MTCL1: variants seen among roughly 807,000 people sequenced by gnomAD.
MTCL1 encodes microtubule cross-linking factor 1.
A neutral mutation model predicts 141.4 loss-of-function variants in MTCL1; 79 were observed. The ratio of observed to expected loss-of-function variants is 0.56; its 90% CI spans 0.47 to 0.67. The LOEUF is 0.67. Among genes scored for constraint, MTCL1 ranks in the 30% least tolerant of loss-of-function variants. The pLI is 0.00. For missense variants in MTCL1, 2,177 were observed against 2,113.9 expected (o/e 1.03, Z -0.59); for synonymous variants, 914 against 875.8 (o/e 1.04, Z -0.77).
At chr18:8,750,371 T>A (rs1273190450) in intron 4 of MTCL1, among the ~76,000 whole-genome samples, 1 of 152,228 alleles carries the variant, frequency 6.6e-6, no homozygotes, top group Admixed American at 6.5e-5. Context: ...TGTCTTTCCC[T>A]GGTGTGACTG....
At chr18:8,792,220 A>T (rs1275882497) in intron 7 of MTCL1, among the ~76,000 whole-genome samples, 1 of 152,258 alleles carries the variant, frequency 6.6e-6, no homozygotes, top group Non-Finnish European at 1.5e-5. Flanking sequence ...CATTTCGATG[A>T]TGCCTGAGAT....
At chr18:8,809,094 A>AG (rs940007242) in intron 11 of MTCL1, among the ~76,000 whole-genome samples, 6 of 152,126 alleles carry the variant, frequency 3.9e-5, no homozygotes, top group African/African-American at 7.2e-5. Flanking sequence ...CTTAGGTATG[A>AG]GGGGAAAGAA....
chr18:8,754,062 C>A (rs1231620381), intron 4 of MTCL1, among the ~76,000 whole-genome samples: 4 of 152,108 alleles, frequency 2.6e-5, no homozygotes, highest in African/African-American at 9.7e-5. Flanking sequence ...TTTCCCCCTA[C>A]TTCCTATTTA....
chr18:8,817,991 T>G (rs2076714031), intron 12 of MTCL1, among the ~76,000 whole-genome samples: 1 of 152,188 alleles, frequency 6.6e-6, no homozygotes, highest in African/African-American at 2.4e-5. Flanking sequence ...GCAAGCCATT[T>G]GCCTGCCTGC....
At chr18:8,799,537 C>T (rs1296178356) in intron 10 of MTCL1, among the ~76,000 whole-genome samples, 1 of 152,184 alleles carries the variant, frequency 6.6e-6, no homozygotes, top group African/African-American at 2.4e-5. Context: ...ATGAGTTTTC[C>T]AGCAATAATC....
chr18:8,741,875 G>A (rs763900773), intron 4 of MTCL1, among the ~76,000 whole-genome samples: 2 of 152,176 alleles, frequency 1.3e-5, no homozygotes, highest in African/African-American at 2.4e-5. Context: ...GTGTGGCTCC[G>A]CCGCAGGGTG....
intron 4 of MTCL1, among the ~76,000 whole-genome samples, chr18:8,756,302 AGT>A (rs138010375): frequency 5.3e-5 from 8 of 151,342 alleles, no homozygotes; most frequent in African/African-American, 9.8e-5. Flanking sequence ...ATGAAAAAGA[AGT>A]GTGTGTGTGT....
intron 4 of MTCL1, among the ~76,000 whole-genome samples, chr18:8,775,021 C>A (rs1328238705): frequency 1.3e-5 from 2 of 152,162 alleles, no homozygotes; most frequent in Non-Finnish European, 2.9e-5. Context: ...AGAATGTGCT[C>A]TAGCCACCAG....
intron 12 of MTCL1, among the ~76,000 whole-genome samples, chr18:8,816,298 C>A (rs1396619698): frequency 6.6e-6 from 1 of 152,174 alleles, no homozygotes; most frequent in African/African-American, 2.4e-5. Flanking sequence ...ACTGTGATAA[C>A]CTAATACAGA....
chr18:8,812,765 T>A lies in MTCL1; in HGVS notation c.2605-214T>A, dbSNP rs191844160. 798 of 547,520 alleles carry A rather than the reference T, an allele frequency of 1.5e-3. 6 individuals are homozygous for A. The highest frequency in any genetic ancestry group is 0.014 in the African/African-American group (731 of 52,956). 33.9% of individuals were successfully genotyped at this position (547,520 alleles called of 1,614,324 possible). ...GAAAGTGGAGCAGGGAAGCTGGCCA[T>A]GGGAAGCTCAGTTTACTCACCGCTT... On this transcript the variant is annotated intron_variant, in intron 11 of 16. Transcript: ENST00000359865.
chr18:8,775,111 T>C (rs73396457), intron 4 of MTCL1, among the ~76,000 whole-genome samples: 3,389 of 152,260 alleles, frequency 0.022, 133 homozygotes, highest in African/African-American at 0.075. Flanking sequence ...TAGTTTTCTT[T>C]CAGTGCGTAC....
chr18:8,754,954 T>G (rs2096389509), intron 4 of MTCL1, among the ~76,000 whole-genome samples: 1 of 152,176 alleles, frequency 6.6e-6, no homozygotes, highest in Non-Finnish European at 1.5e-5. Context: ...AGAGAGCCCC[T>G]GATGTGAGCA....
In MTCL1 at chr18:8,830,512, C is replaced by T. The variant is rs1201521821; in HGVS notation, c.*19-1095C>T. On this transcript the variant is annotated intron_variant, in intron 16 of 16. Coordinates refer to ENST00000359865, the Ensembl canonical transcript of MTCL1. This position sits in a 1 kb window ranked among gnomAD's most constrained non-coding sequence, Gnocchi z 6.4. ...AGTGACACTGCCCATTCCGTGCAGCCGTCTGTCCTTCCCCCGCTGCTGCTC... is the reference window on the plus strand; with the variant it reads ...AGTGACACTGCCCATTCCGTGCAGCTGTCTGTCCTTCCCCCGCTGCTGCTC... The T allele has an allele frequency of 4.1e-6, 4 of 986,004 alleles. No homozygotes were observed. Among genetic ancestry groups the T allele is most frequent in the Non-Finnish European group, 4.8e-6 (4 of 830,478 alleles). The allele number at this position is 986,004 out of a possible 1,614,324, so 61.1% of individuals were successfully genotyped here.
intron 13 of MTCL1, among the ~76,000 whole-genome samples, chr18:8,819,834 C>T (rs2076783805): frequency 6.6e-6 from 1 of 152,150 alleles, no homozygotes; most frequent in South Asian, 2.1e-4. Context: ...TGGTCTCGAA[C>T]TCCTGGGCTC....
At chr18:8,736,347 TTAA>T (rs1194281979) in intron 4 of MTCL1, among the ~76,000 whole-genome samples, 2 of 152,290 alleles carry the variant, frequency 1.3e-5, no homozygotes, top group East Asian at 3.9e-4. Context: ...TGAAACTATA[TTAA>T]GTCAAAAATG....
Position 8,726,546 on chromosome 18 carries a change from C to A in MTCL1, c.357+6050C>A, listed in dbSNP as rs866771876. The stretch of plus-strand genomic sequence containing the variant: ...GAGAGAGCGAGTGCGCATGCGCGCG[C>A]GCAACAAGCAATGTTCTGGTGTTTC... On this transcript the variant is annotated intron_variant, in intron 4 of 16. Coordinates refer to ENST00000359865, the Ensembl canonical transcript of MTCL1. Among the ~76,000 whole-genome samples the A allele has an allele frequency of 1.2e-3, 131 of 106,068 alleles. 1 individual carries two copies. Among genetic ancestry groups the A allele is most frequent in the African/African-American group, 5.4e-3 (127 of 23,528 alleles). 69.6% of individuals were successfully genotyped at this position (106,068 alleles called of 152,430 possible).
chr18:8,760,230 AG>A (rs896070423), intron 4 of MTCL1, among the ~76,000 whole-genome samples: 8 of 152,084 alleles, frequency 5.3e-5, no homozygotes, highest in African/African-American at 1.9e-4. Flanking sequence ...CGGGCTATGG[AG>A]GGTCTCAGGC....
rs138487626 is a variant in MTCL1 at position 8,727,966 on chromosome 18, A to G, written c.357+7470A>G. ...CTGTGTCTTAGTTGGGAAGTTATACATTCTATTTCTGTGATTTTAATGATC... is the reference window on the plus strand; with the variant it reads ...CTGTGTCTTAGTTGGGAAGTTATACGTTCTATTTCTGTGATTTTAATGATC... On this transcript the variant is annotated intron_variant, in intron 4 of 16. Coordinates refer to ENST00000359865, the Ensembl canonical transcript of MTCL1. 1.9e-3 allele frequency among the ~76,000 whole-genome samples: 283 copies of G among 147,924 alleles called. 2 individuals are homozygous for G. The highest frequency in any genetic ancestry group is 6.7e-3 in the African/African-American group (268 of 39,834).
chr18:8,786,701 C>T (rs114537723), intron 7 of MTCL1: 9,700 of 239,508 alleles, frequency 0.04, 251 homozygotes, highest in Middle Eastern at 0.073. Flanking sequence ...CTCTTAGATG[C>T]GGGTCACCCG....
Sources: allele counts gnomAD v4.1 joint callset (sites outside exome capture counted in the v4.1 genomes callset), GRCh38; gene constraint gnomAD v4.1.1; non-coding constraint Gnocchi (gnomAD v3.1); transcripts MANE v1.5; gene names NCBI Gene and HGNC (gene_info 2026-07-23, HGNC 2026-07-21).